Variants in PHF20 observed in about 807,000 individuals in gnomAD.
PHF20 encodes PHD finger protein 20.
Under a neutral mutation model 113.5 loss-of-function variants are expected in PHF20, and 23 were observed. The ratio of observed to expected loss-of-function variants is 0.20; its 90% confidence interval spans 0.15 to 0.29. PHF20 has a LOEUF of 0.29. Ranked by LOEUF, PHF20 falls within the 10% of genes least tolerant of loss-of-function variation. PHF20 has a pLI of 1.00. For synonymous variants in PHF20, 434 were observed against 457.3 expected (o/e 0.95, Z 0.65); for missense variants, 943 against 1,219.6 (o/e 0.77, Z 3.38).
rs1360779956 is a variant in PHF20, at chr20:35,947,741, C to T, written c.*114C>T. 1 of 1,142,716 alleles carries T rather than the reference C, an allele frequency of 8.8e-7. No individual in the cohort carries two copies. The highest frequency in any genetic ancestry group is 1.2e-6 in the Non-Finnish European group (1 of 805,002). The allele number at this position is 1,142,716 out of a possible 1,614,324, so 70.8% of individuals were successfully genotyped here. ...GAATGCACGTGACACCGACTGACTT[C>T]AGGGATCTGGGCCAGGAGTGTGGTG... On this transcript the variant is annotated 3_prime_UTR_variant, in exon 18 of 18. Coordinates refer to ENST00000374012, the MANE Select transcript of PHF20 (RefSeq NM_016436.5).
intron 1 of PHF20, among the ~76,000 whole-genome samples, chr20:35,779,017 T>G (rs554311192): frequency 1.4e-5 from 2 of 147,162 alleles, no homozygotes; most frequent in Admixed American, 6.7e-5. Flanking sequence ...AAACAAAGGG[T>G]TTTTTTTTGT....
chr20:35,834,437 G>T (rs1013600273), intron 2 of PHF20, among the ~76,000 whole-genome samples: 11 of 151,920 alleles, frequency 7.2e-5, no homozygotes, highest in Non-Finnish European at 1.6e-4. Context: ...TTTTAGTAGA[G>T]ACGGGGTTTC....
chr20:35,943,448 C>T (rs1600978971), intron 17 of PHF20, among the ~76,000 whole-genome samples: 1 of 146,280 alleles, frequency 6.8e-6, no homozygotes, highest in Non-Finnish European at 1.5e-5. Flanking sequence ...GAGCTATGAT[C>T]GTGTCACTGT....
intron 10 of PHF20, among the ~76,000 whole-genome samples, chr20:35,908,910 G>A (rs2055247646): frequency 1.3e-5 from 2 of 152,160 alleles, no homozygotes; most frequent in Admixed American, 6.6e-5. Flanking sequence ...TGTAAGTGCT[G>A]TTCTGGCAGT....
chr20:35,936,379 G>C (rs536035925), intron 15 of PHF20, among the ~76,000 whole-genome samples: 10 of 152,162 alleles, frequency 6.6e-5, no homozygotes, highest in Non-Finnish European at 1.5e-4. Context: ...GCTGAGACGG[G>C]ATAGTTGCAG....
chr20:35,845,982 G>T (rs1464420890), intron 3 of PHF20, among the ~76,000 whole-genome samples: 6 of 151,726 alleles, frequency 4.0e-5, no homozygotes, highest in Non-Finnish European at 2.9e-5. Flanking sequence ...CATCATGTTG[G>T]CCAGACTCCT....
intron 7 of PHF20, among the ~76,000 whole-genome samples, chr20:35,870,469 A>G (rs1384202160): frequency 7.2e-5 from 11 of 152,214 alleles, no homozygotes; most frequent in Admixed American, 6.6e-4. Context: ...TGATAGAGTG[A>G]GACTCTGTCC....
chr20:35,907,032 T>C (rs1410929768), intron 10 of PHF20, among the ~76,000 whole-genome samples: 1 of 152,174 alleles, frequency 6.6e-6, no homozygotes, highest in Non-Finnish European at 1.5e-5. Context: ...CAAGCCCATA[T>C]CTGCTTCTGT....
chr20:35,938,657 A>C, intron 15 of PHF20, 40 bp from the exon 16 acceptor site: 2 of 1,546,256 alleles, frequency 1.3e-6, no homozygotes, highest in Non-Finnish European at 1.7e-6. Context: ...CAATGGTGCC[A>C]GTTACTCCAA....
At chr20:35,823,632 C>CAAAAA (rs34177764) in intron 2 of PHF20, among the ~76,000 whole-genome samples, 1 of 53,740 alleles carries the variant, frequency 1.9e-5, no homozygotes, top group Non-Finnish European at 3.9e-5. Context: ...GACCCTGTCT[C>CAAAAA]AAAAAAAAAA....
At chr20:35,817,341 G>A (rs1393043869) in intron 2 of PHF20, among the ~76,000 whole-genome samples, 2 of 151,818 alleles carry the variant, frequency 1.3e-5, no homozygotes, top group East Asian at 1.9e-4. Flanking sequence ...CCCCTGCCAC[G>A]GCGCCCAGCT....
At chr20:35,836,875 A>G (rs2042451270) in intron 2 of PHF20, among the ~76,000 whole-genome samples, 1 of 151,586 alleles carries the variant, frequency 6.6e-6, no homozygotes, top group Non-Finnish European at 1.5e-5. Context: ...TTAATTTAAA[A>G]GTATTTATTT....
At chr20:35,822,604 T>G (rs2042188758) in intron 2 of PHF20, among the ~76,000 whole-genome samples, 1 of 151,486 alleles carries the variant, frequency 6.6e-6, no homozygotes, top group Non-Finnish European at 1.5e-5. Flanking sequence ...GAGGCTGAGG[T>G]GGAAGGATTG....
intron 12 of PHF20, among the ~76,000 whole-genome samples, chr20:35,916,028 T>A (rs2055397713): frequency 6.6e-6 from 1 of 152,004 alleles, no homozygotes; most frequent in African/African-American, 2.4e-5. Flanking sequence ...TCTCAGCTAC[T>A]TAGGAGGCTC....
In PHF20 at chr20:35,931,332, A is replaced by G; in HGVS notation, c.2188A>G (p.Asn730Asp). 6.2e-7 allele frequency: 1 copy of G among 1,613,978 alleles called. No homozygotes were observed. The highest frequency in any genetic ancestry group is 8.5e-7 in the Non-Finnish European group (1 of 1,179,978). The change falls in exon 15 of 18, where the codon AAC (asparagine) becomes GAC (aspartate). Residue 730 changes from asparagine to aspartate, a missense_variant. Asn to Asp is a conservative substitution (Grantham distance 23). Coordinates refer to ENST00000374012, the MANE Select transcript of PHF20 (RefSeq NM_016436.5). Reference protein sequence around the residue: ...HMHGLAFLEENYSHQNAKKIV... With the variant: ...HMHGLAFLEEDYSHQNAKKIV... The stretch of plus-strand genomic sequence containing the variant: ...GCATGGCCTGGCATTTCTAGAAGAG[A>G]ACTACTCCCATCAGAATGCCAAGAA...
chr20:35,793,994 T>TAAAAAAAAA (rs1555916435), intron 1 of PHF20, among the ~76,000 whole-genome samples: 1 of 52,156 alleles, frequency 1.9e-5, no homozygotes, highest in African/African-American at 9.7e-5. Flanking sequence ...GGACTCTGTC[T>TAAAAAAAAA]CAAAAAAAAA....
rs1278810539 is a variant in PHF20, at chr20:35,949,562, TCTC to T, written c.*1938_*1940del. 5 of 152,622 alleles carry T rather than the reference TCTC, an allele frequency of 3.3e-5. No homozygotes were observed. The highest frequency in any genetic ancestry group is 9.7e-5 in the African/African-American group (4 of 41,446). The allele number at this position is 152,622 out of a possible 1,614,324, so 9.5% of individuals were successfully genotyped here. ...TTTAAATTTTTGGTAAAGGAAGTAA[TCTC>T]CTTTCATTCATTGTGACTTTTGTTC... On this transcript the variant is annotated 3_prime_UTR_variant, in exon 18 of 18. Transcript: ENST00000374012.
At chr20:35,929,420 A>G (rs2055707521) in intron 14 of PHF20, among the ~76,000 whole-genome samples, 1 of 152,240 alleles carries the variant, frequency 6.6e-6, no homozygotes, top group Non-Finnish European at 1.5e-5. Context: ...TGACAGGTGA[A>G]CAAACACAAG....
rs368100059 is a variant in PHF20, at chr20:35,938,886, G to A, written c.2490G>A (p.Val830=). The A allele has an allele frequency of 1.9e-5, 30 of 1,614,054 alleles. No homozygotes were observed. The highest frequency in any genetic ancestry group is 2.5e-5 in the Non-Finnish European group (29 of 1,180,022). The change falls in exon 16 of 18, where the codon GTG becomes GTA. Residue 830 remains valine (V), a synonymous_variant. Transcript: ENST00000374012. ...TGGCCCTGCCCCTGCCGCGTTCTGT[G>A]GAGGAATCCTATATCACCAGTGAGC... ...RPLALPLPRS[V]EESYITSEHC...
Sources: allele counts gnomAD v4.1 joint callset (sites outside exome capture counted in the v4.1 genomes callset), GRCh38; gene constraint gnomAD v4.1.1; transcripts MANE v1.5; gene names NCBI Gene and HGNC (gene_info 2026-07-23, HGNC 2026-07-21).